GYG1: variants seen among roughly 807,000 people sequenced by gnomAD.
GYG1 encodes the protein glycogenin 1.
In GYG1, 44 loss-of-function variants were observed where a neutral mutation model predicts 41.9. That is an observed-to-expected ratio of 1.05 (90% CI 0.83 to 1.35). The LOEUF (loss-of-function observed/expected upper bound fraction) is 1.35. Among genes scored for constraint, GYG1 ranks in the 40% most tolerant of loss-of-function variants. GYG1 has a pLI of 0.00. For synonymous variants in GYG1, 141 were observed against 158.1 expected, an observed-to-expected ratio of 0.89 and a Z score of 0.81; for missense variants, 429 against 418.9, an observed-to-expected ratio of 1.02 and a Z score of -0.21.
intron 5 of GYG1, among the ~76,000 whole-genome samples, chr3:149,020,880 G>A (rs1002003531): frequency 9.9e-5 from 15 of 152,162 alleles, no homozygotes; most frequent in Admixed American, 7.9e-4. Context: ...GTGGGCGTCC[G>A]AGGAGGTGGA....
chr3:149,005,937 T>G (rs1713377075), intron 4 of GYG1, among the ~76,000 whole-genome samples: 1 of 152,188 alleles, frequency 6.6e-6, no homozygotes, highest in African/African-American at 2.4e-5. Flanking sequence ...ACCAGTTTTA[T>G]ATGTATTCCC....
intron 4 of GYG1, among the ~76,000 whole-genome samples, chr3:149,003,625 T>G (rs1426043059): frequency 5.3e-5 from 8 of 152,218 alleles, no homozygotes; most frequent in Admixed American, 5.2e-4. Context: ...AAATTTAATA[T>G]GCAGACAAAT....
intron 5 of GYG1, among the ~76,000 whole-genome samples, chr3:149,013,472 A>G (rs895860440): frequency 5.9e-5 from 9 of 152,254 alleles, no homozygotes; most frequent in Non-Finnish European, 1.0e-4. Context: ...AAACCACTAC[A>G]TAAATTAATT....
At position 148,997,054 on chromosome 3, in the gene GYG1, T is replaced by TTGTGTG. The variant is rs10571382; in HGVS notation, c.481+174_481+179dup. On this transcript the variant is annotated intron_variant, in intron 4 of 7. Transcript: ENST00000345003. ...TTAAGTTGTGCTCTTCTGGGAAATATTGTGTGTGTGTGTGTGTGTGTGTGT... is the reference window on the plus strand; with the variant it reads ...TTAAGTTGTGCTCTTCTGGGAAATATTGTGTGTGTGTGTGTGTGTGTGTGTGTGTGT... The TTGTGTG allele has an allele frequency of 0.016, 9,927 of 606,324 alleles. 191 individuals are homozygous for TTGTGTG. The highest frequency in any genetic ancestry group is 0.087 in the African/African-American group (4,645 of 53,420). The allele number at this position is 606,324 out of a possible 1,614,324, so 37.6% of individuals were successfully genotyped here.
At chr3:148,996,560 A>G in intron 3 of GYG1, 84 bp downstream of exon 3, 1 of 1,318,910 alleles carries the variant, frequency 7.6e-7, no homozygotes, top group Non-Finnish European at 1.1e-6. Context: ...AATGCTGTCA[A>G]GACTTGACGG....
At chr3:149,020,735 T>C (rs1241288848) in intron 5 of GYG1, among the ~76,000 whole-genome samples, 1 of 152,216 alleles carries the variant, frequency 6.6e-6, no homozygotes, top group Non-Finnish European at 1.5e-5. Context: ...GTTATGACTA[T>C]GTATGACATT....
intron 1 of GYG1, 111 bp downstream of exon 1, chr3:148,991,758 C>T: frequency 3.3e-6 from 3 of 909,628 alleles, no homozygotes; most frequent in Non-Finnish European, 4.9e-6. Context: ...CAGGACGAAA[C>T]CGCCGCAAAG....
Position 149,026,967 on chromosome 3 carries a change from C to A in GYG1, c.*34C>A. The stretch of plus-strand genomic sequence containing the variant: ...CATTTTTCTGTGAACACATCCACTT[C>A]ACAAGCCTTGTTTCTGATACTTAGT... On this transcript the variant is annotated 3_prime_UTR_variant, in exon 8 of 8. Coordinates refer to ENST00000345003, the MANE Select transcript of GYG1 (RefSeq NM_004130.4). 6.2e-7 allele frequency: 1 copy of A among 1,607,370 alleles called. No individual in the cohort carries two copies. The highest frequency in any genetic ancestry group is 8.5e-7 in the Non-Finnish European group (1 of 1,173,844).
In GYG1 at chr3:148,994,208, C is replaced by T; in HGVS notation, c.74C>T (p.Ser25Phe). The change falls in exon 2 of 8, where the codon TCT (serine) becomes TTT (phenylalanine). Residue 25 changes from serine (S) to phenylalanine (F), a missense_variant. Ser to Phe is a radical substitution (Grantham distance 155). Coordinates refer to ENST00000345003, the MANE Select transcript of GYG1 (RefSeq NM_004130.4). ...AAAGGTGCCCTGGTCCTGGGATCAT[C>T]TCTGAAACAGCACAGGACCACCAGG... ...YAKGALVLGS[S>F]LKQHRTTRRL... The T allele has an allele frequency of 6.2e-7, 1 of 1,613,826 alleles. No homozygotes were observed. Among genetic ancestry groups the T allele is most frequent in the Non-Finnish European group, 8.5e-7 (1 of 1,179,758 alleles).
intron 6 of GYG1, 137 bp downstream of exon 6, chr3:149,024,409 A>G (rs1225376127): frequency 4.4e-6 from 3 of 678,282 alleles, no homozygotes; most frequent in South Asian, 1.7e-5. Flanking sequence ...AACAATAACC[A>G]TCTTAGGAGA....
rs1383000580 is a variant in GYG1, at chr3:149,028,059, G to GA, written c.*1128dup. 6.6e-6 allele frequency among the ~76,000 whole-genome samples: 1 copy of GA among 152,190 alleles called. No individual in the cohort carries two copies. On this transcript the variant is annotated 3_prime_UTR_variant, in exon 8 of 8. Transcript: ENST00000345003. ...AGGTTGTAAGAGATGGCAAGCTAAAGAAGGGTAGGATCCAAGATGACCTTT... is the reference window on the plus strand; with the variant it reads ...AGGTTGTAAGAGATGGCAAGCTAAAGAAAGGGTAGGATCCAAGATGACCTTT...
chr3:148,996,361 A>T lies in GYG1; in HGVS notation c.203A>T (p.Asp68Val), dbSNP rs1712787449. The change falls in exon 3 of 8, where the codon GAT becomes GTT. Residue 68 changes from aspartate (D) to valine (V), a missense_variant. Asp to Val is a radical substitution (Grantham distance 152). Transcript: ENST00000345003. ...ATGGTAGATGTCTTGGACAGTGGCG[A>T]TTCTGCTCATCTAACCTTAATGAAG... ...VIMVDVLDSG[D>V]SAHLTLMKRP... The T allele has an allele frequency of 6.2e-7, 1 of 1,612,208 alleles. No homozygotes were observed. Among genetic ancestry groups the T allele is most frequent in the East Asian group, 2.2e-5 (1 of 44,880 alleles).
chr3:149,019,891 C>T (rs572770007), intron 5 of GYG1, among the ~76,000 whole-genome samples: 14 of 152,220 alleles, frequency 9.2e-5, no homozygotes, highest in South Asian at 2.1e-4. Context: ...AGTCGTGTGG[C>T]GGTCCAGAGC....
intron 5 of GYG1, among the ~76,000 whole-genome samples, chr3:149,010,141 T>A (rs922179556): frequency 2.0e-5 from 3 of 152,194 alleles, no homozygotes; most frequent in Non-Finnish European, 4.4e-5. Context: ...CACTCTGTCA[T>A]TTATCTGCTA....
At chr3:149,025,585 TAGTA>T (rs922922785) in intron 6 of GYG1, among the ~76,000 whole-genome samples, 7 of 152,312 alleles carry the variant, frequency 4.6e-5, no homozygotes, top group African/African-American at 9.6e-5. Flanking sequence ...TAAGTACTAT[TAGTA>T]AGTATTGTTA....
chr3:148,996,752 A>G lies in GYG1; in HGVS notation c.329A>G (p.Asn110Ser), dbSNP rs751667472. The change falls in exon 4 of 8, where the codon AAT becomes AGT. Residue 110 changes from asparagine (N) to serine (S), a missense_variant. Transcript: ENST00000345003. ...CTCCCCTTTGATCAGGTCCTAGCAA[A>G]TATTGATGATCTTTTTGACAGAGAA... The part of the protein sequence containing the change: ...FMDADTLVLA[N>S]IDDLFDREEL... 3.1e-6 allele frequency: 5 copies of G among 1,613,982 alleles called. No individual in the cohort carries two copies. The highest frequency in any genetic ancestry group is 4.2e-6 in the Non-Finnish European group (5 of 1,179,836).
chr3:149,016,726 TTCC>T (rs1401668432), intron 5 of GYG1, among the ~76,000 whole-genome samples: 2 of 152,162 alleles, frequency 1.3e-5, no homozygotes, highest in Non-Finnish European at 2.9e-5. Context: ...AGCAAGTCCA[TTCC>T]TCCTCTCCAT....
chr3:149,010,768 G>T (rs1713680614), intron 5 of GYG1, among the ~76,000 whole-genome samples: 1 of 152,180 alleles, frequency 6.6e-6, no homozygotes, highest in Non-Finnish European at 1.5e-5. Context: ...TTGAACAGGG[G>T]ACTAGCTGTC....
At chr3:149,011,241 C>T (rs939929552) in intron 5 of GYG1, among the ~76,000 whole-genome samples, 2 of 152,184 alleles carry the variant, frequency 1.3e-5, no homozygotes, top group African/African-American at 2.4e-5. Context: ...ACAAACGTGT[C>T]TCACATGGAA....
Sources: allele counts gnomAD v4.1 joint callset (sites outside exome capture counted in the v4.1 genomes callset), GRCh38; gene constraint gnomAD v4.1.1; transcripts MANE v1.5; gene names NCBI Gene and HGNC (gene_info 2026-07-23, HGNC 2026-07-21).